The following TSPEAR variants were observed in gnomAD, a reference collection of about 807,000 sequenced individuals.
The protein encoded by TSPEAR is thrombospondin type laminin G domain and EAR repeats.
Under a neutral mutation model 71.6 loss-of-function variants are expected in TSPEAR, and 69 were observed. The ratio of observed to expected loss-of-function variants is 0.96; its 90% CI spans 0.79 to 1.18. TSPEAR has a LOEUF of 1.18. Among genes scored for constraint, TSPEAR ranks in the 50% most tolerant of loss-of-function variants. The pLI, the probability that TSPEAR is intolerant of heterozygous loss-of-function variation, is 0.00. For synonymous variants in TSPEAR, 402 were observed against 387.2 expected, an observed-to-expected ratio of 1.04 and a Z score of -0.45; for missense variants, 971 against 894.9, an observed-to-expected ratio of 1.09 and a Z score of -1.09.
rs1479169570 is a variant in TSPEAR at position 44,505,358 on chromosome 21, C to T, written c.1755-477G>A. 1.3e-5 allele frequency among the ~76,000 whole-genome samples: 2 copies of T among 152,110 alleles called. 1 individual carries two copies. The highest frequency in any genetic ancestry group is 2.9e-5 in the Non-Finnish European group (2 of 68,024). On this transcript the variant is annotated intron_variant, in intron 10 of 11. Transcript: ENST00000323084. Reference sequence around the variant, plus strand: ...CCTCCCAAAGTGCTGGGATTACAGGCATGAGCCACCATGCCTGGCCTCAAA... The same window carrying T: ...CCTCCCAAAGTGCTGGGATTACAGGTATGAGCCACCATGCCTGGCCTCAAA...
At chr21:44,661,356 G>A (rs1985487577) in intron 1 of TSPEAR, among the ~76,000 whole-genome samples, 1 of 152,050 alleles carries the variant, frequency 6.6e-6, no homozygotes, top group Admixed American at 6.5e-5. Context: ...TGCATTGTGG[G>A]GTTTTTAACA....
chr21:44,648,802 T>A (rs1984594750), intron 1 of TSPEAR, among the ~76,000 whole-genome samples: 1 of 152,208 alleles, frequency 6.6e-6, no homozygotes. Flanking sequence ...CGGGCCCCTG[T>A]GCTCTCTGTG....
At chr21:44,602,727 TCG>T (rs1981041555) in intron 1 of TSPEAR, among the ~76,000 whole-genome samples, 1 of 152,084 alleles carries the variant, frequency 6.6e-6, no homozygotes, top group South Asian at 2.1e-4. Flanking sequence ...ATCCCCAACA[TCG>T]CACACGCAGC....
intron 1 of TSPEAR, among the ~76,000 whole-genome samples, chr21:44,665,709 T>C (rs1555944502): frequency 6.6e-6 from 1 of 152,152 alleles, no homozygotes; most frequent in East Asian, 1.9e-4. Context: ...TGCGGGTTTA[T>C]TATATTAGGA....
At chr21:44,567,720 G>C in intron 2 of TSPEAR, 65 bp downstream of exon 2, 1 of 1,412,726 alleles carries the variant, frequency 7.1e-7, no homozygotes, top group Non-Finnish European at 9.6e-7. Flanking sequence ...GCACGCGTTG[G>C]TACTGGGAAC....
chr21:44,672,406 TA>T (rs1395789907), intron 1 of TSPEAR, among the ~76,000 whole-genome samples: 2 of 152,042 alleles, frequency 1.3e-5, no homozygotes, highest in African/African-American at 4.8e-5. Flanking sequence ...CCGTCTCTAC[TA>T]AAAATACAAA....
At chr21:44,643,912 T>A (rs2146233021) in intron 1 of TSPEAR, among the ~76,000 whole-genome samples, 1 of 152,354 alleles carries the variant, frequency 6.6e-6, no homozygotes, top group Non-Finnish European at 1.5e-5. Context: ...TGTCATCGCG[T>A]CTCCAGCATT....
chr21:44,539,614 G>T, intron 2 of TSPEAR: 1 of 1,613,842 alleles, frequency 6.2e-7, no homozygotes, highest in Non-Finnish European at 8.5e-7. Context: ...AGGCCTGCTG[G>T]CAGGGGGAGG....
intron 1 of TSPEAR, chr21:44,580,235 C>G (rs1555924820): frequency 1.9e-6 from 3 of 1,613,972 alleles, no homozygotes; most frequent in Non-Finnish European, 2.5e-6. Context: ...TGGCTGGCAG[C>G]TAGACTGCTG....
At chr21:44,676,316 T>A in intron 1 of TSPEAR, 1 of 1,179,076 alleles carries the variant, frequency 8.5e-7, no homozygotes, top group South Asian at 1.2e-5. Flanking sequence ...AAAGCTTTAG[T>A]AAATTCATTA....
Position 44,593,092 on chromosome 21 carries a change from T to C in TSPEAR, c.83-25087A>G, listed in dbSNP as rs1192436394. Among the ~76,000 whole-genome samples the C allele has an allele frequency of 6.6e-6, 1 of 152,172 alleles. No individual in the cohort carries two copies. Among genetic ancestry groups the C allele is most frequent in the African/African-American group, 2.4e-5 (1 of 41,452 alleles). The stretch of plus-strand genomic sequence containing the variant: ...CCCTGTTTCGTGTCCACCTCGTCTT[T>C]GTGTTTTGGAGGCAGCAGGACCTGT... On this transcript the variant is annotated intron_variant, in intron 1 of 11. Coordinates refer to ENST00000323084, the MANE Select transcript of TSPEAR (RefSeq NM_144991.3). This position sits in a 1 kb window ranked among gnomAD's most constrained non-coding sequence, Gnocchi z 5.9.
At chr21:44,588,700 A>ATT (rs1979514141) in intron 1 of TSPEAR, among the ~76,000 whole-genome samples, 1 of 9,530 alleles carries the variant, frequency 1.0e-4, no homozygotes, top group Admixed American at 1.5e-3. Flanking sequence ...TTATATATTT[A>ATT]TATATATAAA....
At chr21:44,640,927 G>A (rs1447269797) in intron 1 of TSPEAR, among the ~76,000 whole-genome samples, 2 of 152,170 alleles carry the variant, frequency 1.3e-5, no homozygotes, top group Non-Finnish European at 2.9e-5. Context: ...GAAGGGTGGG[G>A]TTGGCCCAGG....
chr21:44,508,695 A>G lies in TSPEAR; in HGVS notation c.1754+504T>C, dbSNP rs186045289. ...TCTCGTACATACAGACCCACCCTCCATGTTCCCTGGATCTCACATCTGTCT... is the reference window on the plus strand; with the variant it reads ...TCTCGTACATACAGACCCACCCTCCGTGTTCCCTGGATCTCACATCTGTCT... On this transcript the variant is annotated intron_variant, in intron 10 of 11. Transcript: ENST00000323084. 918 of 1,220,064 alleles carry G rather than the reference A, an allele frequency of 7.5e-4. 8 individuals are homozygous for G. The African/African-American group carries it at 0.012, about 16-fold the overall frequency. 75.6% of individuals were successfully genotyped at this position (1,220,064 alleles called of 1,614,324 possible).
intron 1 of TSPEAR, among the ~76,000 whole-genome samples, chr21:44,649,962 C>T (rs2146247048): frequency 6.6e-6 from 1 of 152,310 alleles, no homozygotes; most frequent in East Asian, 1.9e-4. Context: ...TGGCGCATGC[C>T]TGTAATCTCA....
At chr21:44,626,175 A>T (rs1298483940) in intron 1 of TSPEAR, among the ~76,000 whole-genome samples, 1 of 152,278 alleles carries the variant, frequency 6.6e-6, no homozygotes, top group Non-Finnish European at 1.5e-5. Flanking sequence ...TTTTTAAATA[A>T]AAATGTGAAA....
At position 44,653,485 on chromosome 21, in the gene TSPEAR, C is replaced by T. The variant is rs144224173; in HGVS notation, c.82+57948G>A. On this transcript the variant is annotated intron_variant, in intron 1 of 11. Coordinates refer to ENST00000323084, the MANE Select transcript of TSPEAR (RefSeq NM_144991.3). ...AGAAACCTCACTCTTCTATAGTCCT[C>T]GGTAAAACTTCTGAGTAAAGCTCAC... is the stretch of plus-strand genomic sequence containing the variant. 3.3e-5 allele frequency among the ~76,000 whole-genome samples: 5 copies of T among 152,320 alleles called. No individual in the cohort carries two copies. The East Asian group carries it at 9.6e-4, about 29-fold the overall frequency.
At chr21:44,525,875 T>C in intron 7 of TSPEAR, 36 bp from the exon 8 acceptor site, 1 of 1,608,038 alleles carries the variant, frequency 6.2e-7, no homozygotes, top group South Asian at 1.1e-5. Flanking sequence ...GTGGTTCTGC[T>C]TGGGTCGGTG....
intron 1 of TSPEAR, chr21:44,574,921 AAC>A (rs782410756): frequency 8.7e-6 from 14 of 1,609,274 alleles, no homozygotes; most frequent in Non-Finnish European, 1.2e-5. Context: ...TCCTCCTGCC[AAC>A]CCAGCTGCTG....
Sources: allele counts gnomAD v4.1 joint callset (sites outside exome capture counted in the v4.1 genomes callset), GRCh38; gene constraint gnomAD v4.1.1; non-coding constraint Gnocchi (gnomAD v3.1); transcripts MANE v1.5; gene names NCBI Gene and HGNC (gene_info 2026-07-23, HGNC 2026-07-21).